Variants in CCDC6 observed in about 807,000 individuals in gnomAD.
CCDC6 encodes the protein coiled-coil domain-containing protein 6.
A neutral mutation model predicts 56.6 loss-of-function variants in CCDC6; 20 were observed. The observed-to-expected ratio is 0.35, with a 90% CI of 0.25 to 0.51. The LOEUF (loss-of-function observed/expected upper bound fraction) is 0.51, where lower values mean the gene tolerates loss of function less well. Ranked by LOEUF, CCDC6 falls within the 20% of genes least tolerant of loss-of-function variation. CCDC6 has a pLI of 0.95. For missense variants in CCDC6, 367 were observed against 601.1 expected (o/e 0.61, Z 4.07); for synonymous variants, 241 against 234.4 (o/e 1.03, Z -0.26).
At chr10:59,900,798 C>A (rs2071499136) in intron 1 of CCDC6, among the ~76,000 whole-genome samples, 1 of 152,200 alleles carries the variant, frequency 6.6e-6, no homozygotes, top group African/African-American at 2.4e-5. Context: ...GTAGCTCACA[C>A]CTGTAATCCT....
intron 2 of CCDC6, among the ~76,000 whole-genome samples, chr10:59,840,333 T>C (rs949066334): frequency 6.6e-6 from 1 of 152,230 alleles, no homozygotes; most frequent in Non-Finnish European, 1.5e-5. Flanking sequence ...AATTTATTAG[T>C]AGTCTGTTTA....
At position 59,792,938 on chromosome 10, in the gene CCDC6, C is replaced by A. The variant is rs144036104; in HGVS notation, c.1404G>T (p.Ala468=). 6 of 1,609,612 alleles carry A rather than the reference C, an allele frequency of 3.7e-6. No homozygotes were observed. In the African/African-American group the frequency reaches 6.7e-5, roughly 18 times the overall value. Residue 468 remains alanine (A), a synonymous_variant, in exon 9 of 9, where the codon GCG becomes GCT. Transcript: ENST00000263102. ...TSQPTPSQHS[A]HPSSQP is the part of the protein sequence containing the mutation. ...TGCATTAAGGCTGGGAGGAGGGGTG[C>A]GCCGAATGTTGCGAAGGAGTAGGCT...
intron 1 of CCDC6, among the ~76,000 whole-genome samples, chr10:59,876,098 G>A (rs751997495): frequency 8.4e-5 from 1 of 11,962 alleles, no homozygotes; most frequent in African/African-American, 3.3e-4. Flanking sequence ...TTTTCAGATC[G>A]AGTCTCGTTC....
intron 3 of CCDC6, among the ~76,000 whole-genome samples, chr10:59,824,999 G>A (rs1435093936): frequency 2.0e-5 from 3 of 152,128 alleles, no homozygotes; most frequent in African/African-American, 7.2e-5. Context: ...CACAAAAATC[G>A]GTAGGTGCTC....
intron 7 of CCDC6, among the ~76,000 whole-genome samples, chr10:59,796,078 T>C (rs1182041426): frequency 6.6e-6 from 1 of 152,208 alleles, no homozygotes; most frequent in Non-Finnish European, 1.5e-5. Context: ...GTTGAAATAG[T>C]TTACAGTCCC....
chr10:59,836,886 G>A (rs1374907596), intron 2 of CCDC6, among the ~76,000 whole-genome samples: 1 of 152,114 alleles, frequency 6.6e-6, no homozygotes, highest in Admixed American at 6.5e-5. Context: ...TAACAGAACT[G>A]AAAAGGGCAT....
intron 1 of CCDC6, among the ~76,000 whole-genome samples, chr10:59,887,501 G>C (rs1303437179): frequency 6.7e-6 from 1 of 148,724 alleles, no homozygotes; most frequent in Non-Finnish European, 1.5e-5. Flanking sequence ...AAAAAAAAGA[G>C]AAGTATCCAA....
intron 1 of CCDC6, among the ~76,000 whole-genome samples, chr10:59,854,728 C>T (rs1428768231): frequency 6.6e-6 from 1 of 152,216 alleles, no homozygotes; most frequent in Non-Finnish European, 1.5e-5. Context: ...GGATTTCACG[C>T]TAGTGCCATG....
intron 5 of CCDC6, among the ~76,000 whole-genome samples, chr10:59,810,418 T>C (rs187038543): frequency 2.0e-5 from 3 of 152,164 alleles, no homozygotes; most frequent in Non-Finnish European, 2.9e-5. Flanking sequence ...AGTATGGAGA[T>C]AGTAGTAAGC....
chr10:59,879,663 C>T (rs2071316287), intron 1 of CCDC6, among the ~76,000 whole-genome samples: 1 of 152,154 alleles, frequency 6.6e-6, no homozygotes, highest in Non-Finnish European at 1.5e-5. Context: ...TCTGCCTTCC[C>T]TAAAGGTACT....
At chr10:59,838,081 C>G (rs2070900646) in intron 2 of CCDC6, among the ~76,000 whole-genome samples, 1 of 152,164 alleles carries the variant, frequency 6.6e-6, no homozygotes, top group African/African-American at 2.4e-5. Flanking sequence ...ACTCCCACTT[C>G]AAACTCAGTA....
chr10:59,804,112 T>G (rs535483453), intron 7 of CCDC6, among the ~76,000 whole-genome samples: 8 of 152,130 alleles, frequency 5.3e-5, no homozygotes, highest in Middle Eastern at 3.2e-3. Context: ...CTTTTTTGTC[T>G]ACCCATTAGC....
intron 1 of CCDC6, among the ~76,000 whole-genome samples, chr10:59,898,456 T>G (rs1182040037): frequency 6.6e-6 from 1 of 152,258 alleles, no homozygotes; most frequent in African/African-American, 2.4e-5. Context: ...GAACTTCATT[T>G]TGGAAGCTGG....
intron 1 of CCDC6, among the ~76,000 whole-genome samples, chr10:59,864,017 G>A (rs569132376): frequency 6.6e-6 from 1 of 152,260 alleles, no homozygotes; most frequent in African/African-American, 2.4e-5. Context: ...TAATTTATAA[G>A]TTGGTTGTTG....
At chr10:59,863,636 T>C (rs1490460499) in intron 1 of CCDC6, among the ~76,000 whole-genome samples, 1 of 152,190 alleles carries the variant, frequency 6.6e-6, no homozygotes, top group Non-Finnish European at 1.5e-5. Flanking sequence ...TAAAAACCAC[T>C]GAACTGTACA....
At chr10:59,888,577 C>A (rs770377734) in intron 1 of CCDC6, among the ~76,000 whole-genome samples, 1 of 152,104 alleles carries the variant, frequency 6.6e-6, no homozygotes, top group Non-Finnish European at 1.5e-5. Flanking sequence ...CCTAAGGGCA[C>A]AGGGCTTAAT....
chr10:59,849,185 C>T (rs2071018103), intron 2 of CCDC6, among the ~76,000 whole-genome samples: 1 of 152,198 alleles, frequency 6.6e-6, no homozygotes, highest in East Asian at 1.9e-4. Flanking sequence ...GGAACAATGT[C>T]TCACCAATCA....
intron 1 of CCDC6, among the ~76,000 whole-genome samples, chr10:59,858,990 G>A (rs1283648952): frequency 6.6e-6 from 1 of 152,080 alleles, no homozygotes; most frequent in East Asian, 1.9e-4. Context: ...CCTCTTCAGG[G>A]TGCTGCTTTC....
intron 7 of CCDC6, among the ~76,000 whole-genome samples, chr10:59,799,987 T>A (rs1249239819): frequency 6.6e-6 from 1 of 152,222 alleles, no homozygotes; most frequent in East Asian, 1.9e-4. Flanking sequence ...TCAAAGCCCA[T>A]CTCAAAAGCT....
Sources: gnomAD v4.1 joint callset for allele counts (sites outside exome capture counted in the v4.1 genomes callset) on GRCh38, gnomAD v4.1.1 for gene constraint, MANE v1.5 for transcripts, NCBI Gene and HGNC (gene_info 2026-07-23, HGNC 2026-07-21) for gene names.